Variants in CUX2 observed in about 807,000 individuals in gnomAD.
CUX2 encodes the protein cut like homeobox 2.
CUX2 carries 40 observed loss-of-function variants against 144.8 expected under a neutral mutation model. The observed-to-expected ratio is 0.28, with a 90% CI of 0.21 to 0.36. The LOEUF is 0.36. Ranked by LOEUF, CUX2 falls within the 10% of genes least tolerant of loss-of-function variation. The pLI is 1.00. For missense variants in CUX2, 1,615 were observed against 1,994.0 expected, an observed-to-expected ratio of 0.81 and a Z score of 3.62; for synonymous variants, 827 against 875.6, an observed-to-expected ratio of 0.94 and a Z score of 0.98.
At chr12:111,127,648 G>A (rs1875177972) in intron 1 of CUX2, among the ~76,000 whole-genome samples, 2 of 152,342 alleles carry the variant, frequency 1.3e-5, no homozygotes, top group Admixed American at 6.5e-5. Context: ...AGGCCACAGA[G>A]TAAGAAGCAA....
At chr12:111,098,408 A>G (rs1417383942) in intron 1 of CUX2, among the ~76,000 whole-genome samples, 2 of 152,120 alleles carry the variant, frequency 1.3e-5, no homozygotes, top group Non-Finnish European at 2.9e-5. Flanking sequence ...TCAAAAAAAA[A>G]AAAAAAAAGA....
intron 3 of CUX2, among the ~76,000 whole-genome samples, chr12:111,225,686 A>G (rs1334372429): frequency 6.6e-6 from 1 of 152,198 alleles, no homozygotes; most frequent in African/African-American, 2.4e-5. Flanking sequence ...ACCCAGCTGG[A>G]GATCTGCAGG....
chr12:111,137,639 G>A (rs758789367), intron 1 of CUX2, among the ~76,000 whole-genome samples: 5 of 152,054 alleles, frequency 3.3e-5, no homozygotes. Flanking sequence ...TCAGCCTCCA[G>A]AGTAGTTGGA....
chr12:111,185,456 G>C (rs1189621061), intron 1 of CUX2, among the ~76,000 whole-genome samples: 1 of 152,234 alleles, frequency 6.6e-6, no homozygotes, highest in Non-Finnish European at 1.5e-5. Flanking sequence ...CCAGAGCAGG[G>C]ACAGGTGTCG....
intron 1 of CUX2, among the ~76,000 whole-genome samples, chr12:111,200,141 A>G (rs1016392925): frequency 1.3e-5 from 2 of 151,760 alleles, no homozygotes; most frequent in Admixed American, 6.6e-5. Flanking sequence ...TGGGGAGAGG[A>G]GAGGACACCC....
chr12:111,107,738 G>A (rs1274237157), intron 1 of CUX2, among the ~76,000 whole-genome samples: 1 of 152,078 alleles, frequency 6.6e-6, no homozygotes, highest in Non-Finnish European at 1.5e-5. Flanking sequence ...AAATGAGATA[G>A]GGCAGTTAGG....
At chr12:111,235,189 G>A (rs1354780159) in intron 3 of CUX2, among the ~76,000 whole-genome samples, 1 of 152,198 alleles carries the variant, frequency 6.6e-6, no homozygotes, top group Non-Finnish European at 1.5e-5. Flanking sequence ...TTAGTGAGCA[G>A]TGCTGGGAGG....
Position 111,342,047 on chromosome 12 carries a change from A to G in CUX2, c.3653A>G (p.Asn1218Ser), listed in dbSNP as rs1377384079. The G allele has an allele frequency of 1.2e-6, 2 of 1,612,194 alleles. No individual in the cohort carries two copies. Among genetic ancestry groups the G allele is most frequent in the African/African-American group, 1.3e-5 (1 of 74,908 alleles). Residue 1218 changes from asparagine to serine, a missense_variant, in exon 21 of 22, where the codon AAC becomes AGC. By Grantham distance (46) the Asn-to-Ser change is conservative. Transcript: ENST00000261726. Reference sequence around the variant, plus strand: ...AACACCGTCATCAACTGGTTCCACAACTACAGGTGGGACTATGGGGGCGTA... The same window carrying G: ...AACACCGTCATCAACTGGTTCCACAGCTACAGGTGGGACTATGGGGGCGTA... ...KTNTVINWFHNYRSRMRREML... is the reference protein window; with the variant it reads ...KTNTVINWFHSYRSRMRREML...
chr12:111,258,975 C>G (rs1883970914), intron 3 of CUX2, among the ~76,000 whole-genome samples: 1 of 151,802 alleles, frequency 6.6e-6, no homozygotes, highest in South Asian at 2.1e-4. Context: ...TCAAGTGATC[C>G]CCCTTTCTCA....
At chr12:111,328,403 C>A (rs909376544) in intron 18 of CUX2, among the ~76,000 whole-genome samples, 5 of 152,156 alleles carry the variant, frequency 3.3e-5, no homozygotes, top group Non-Finnish European at 7.3e-5. Flanking sequence ...CACTGCCAGG[C>A]GCAGCCCCGG....
chr12:111,125,294 C>A (rs1874988107), intron 1 of CUX2, among the ~76,000 whole-genome samples: 1 of 152,022 alleles, frequency 6.6e-6, no homozygotes, highest in South Asian at 2.1e-4. Context: ...ATTCTCCTGC[C>A]TCAGCCACCT....
intron 1 of CUX2, among the ~76,000 whole-genome samples, chr12:111,080,937 A>T (rs912414253): frequency 2.6e-4 from 40 of 152,194 alleles, no homozygotes; most frequent in Non-Finnish European, 4.4e-5. Context: ...TAAAGTGGAG[A>T]CGCTGCTGAT....
intron 18 of CUX2, among the ~76,000 whole-genome samples, chr12:111,327,297 A>T (rs1887865568): frequency 1.3e-5 from 2 of 152,074 alleles, no homozygotes; most frequent in Non-Finnish European, 2.9e-5. Flanking sequence ...GTATGGATAG[A>T]CCCCATTTTG....
intron 18 of CUX2, among the ~76,000 whole-genome samples, chr12:111,324,712 C>G (rs1887693478): frequency 6.6e-6 from 1 of 151,810 alleles, no homozygotes; most frequent in Admixed American, 6.6e-5. Flanking sequence ...GTTGGTCAGG[C>G]TGGTCTTGAA....
At chr12:111,256,856 G>A (rs1199957082) in intron 3 of CUX2, among the ~76,000 whole-genome samples, 2 of 152,152 alleles carry the variant, frequency 1.3e-5, no homozygotes, top group Non-Finnish European at 2.9e-5. Flanking sequence ...GATGCCTGGA[G>A]CACATAGTAA....
chr12:111,305,660 G>A (rs1045972179), intron 10 of CUX2, among the ~76,000 whole-genome samples: 1 of 149,878 alleles, frequency 6.7e-6, no homozygotes, highest in African/African-American at 2.5e-5. Context: ...GCAAGATCCT[G>A]TCTCTGAAAA....
chr12:111,211,674 A>C (rs1264863617), intron 1 of CUX2, among the ~76,000 whole-genome samples: 2 of 152,172 alleles, frequency 1.3e-5, no homozygotes, highest in African/African-American at 4.8e-5. Context: ...TCATGAGGTC[A>C]GGAGATCGAG....
chr12:111,333,011 C>T (rs1888188267), intron 18 of CUX2, among the ~76,000 whole-genome samples: 1 of 152,184 alleles, frequency 6.6e-6, no homozygotes, highest in Non-Finnish European at 1.5e-5. Flanking sequence ...AGTTTGAGAC[C>T]AGCCTGGCCA....
At chr12:111,081,736 G>T (rs996604402) in intron 1 of CUX2, among the ~76,000 whole-genome samples, 1 of 152,204 alleles carries the variant, frequency 6.6e-6, no homozygotes, top group Non-Finnish European at 1.5e-5. Context: ...CTGTGGTGGT[G>T]ACCAGCCACT....
Sources: gnomAD v4.1 joint callset for allele counts (sites outside exome capture counted in the v4.1 genomes callset) on GRCh38, gnomAD v4.1.1 for gene constraint, MANE v1.5 for transcripts, NCBI Gene and HGNC (gene_info 2026-07-23, HGNC 2026-07-21) for gene names.